PPFIA2: variants seen among roughly 807,000 people sequenced by gnomAD.
The protein encoded by PPFIA2 is PPFI scaffold protein A2, also known as liprin-alpha-2.
In PPFIA2, 46 loss-of-function variants were observed where a neutral mutation model predicts 175.5. That is an observed-to-expected ratio of 0.26 (90% CI 0.21 to 0.34). The LOEUF is 0.34. Among genes scored for constraint, PPFIA2 ranks in the 10% least tolerant of loss-of-function variants. PPFIA2 has a pLI of 1.00. For missense variants in PPFIA2, 1,179 were observed against 1,506.1 expected (o/e 0.78, Z 3.60); for synonymous variants, 568 against 511.4 (o/e 1.11, Z -1.49).
intron 4 of PPFIA2, among the ~76,000 whole-genome samples, chr12:81,649,543 T>C (rs988354558): frequency 7.2e-5 from 11 of 152,170 alleles, no homozygotes; most frequent in Admixed American, 5.9e-4. Context: ...TTGGAAAACA[T>C]AGAAATTCTA....
At chr12:81,426,796 A>G (rs1457174956) in intron 7 of PPFIA2, among the ~76,000 whole-genome samples, 7 of 152,050 alleles carry the variant, frequency 4.6e-5, no homozygotes, top group Admixed American at 6.6e-5. Context: ...TACTGCAGAA[A>G]TCCTTTCATC....
chr12:81,459,955 A>G (rs1423956447), intron 4 of PPFIA2, among the ~76,000 whole-genome samples: 2 of 152,138 alleles, frequency 1.3e-5, no homozygotes, highest in Non-Finnish European at 2.9e-5. Flanking sequence ...GGAGTGAGTT[A>G]GCTCTGAGCA....
chr12:81,336,523 C>A (rs1336613089), intron 21 of PPFIA2, among the ~76,000 whole-genome samples: 1 of 152,156 alleles, frequency 6.6e-6, no homozygotes, highest in African/African-American at 2.4e-5. Context: ...CCAAATATTT[C>A]CCTTTGTGAA....
chr12:81,662,376 C>A (rs1360609227), intron 4 of PPFIA2, among the ~76,000 whole-genome samples: 1 of 152,114 alleles, frequency 6.6e-6, no homozygotes, highest in Non-Finnish European at 1.5e-5. Flanking sequence ...GATATTACCA[C>A]CAATCCCACG....
intron 24 of PPFIA2, among the ~76,000 whole-genome samples, chr12:81,288,391 T>C (rs539343969): frequency 5.3e-5 from 8 of 151,726 alleles, no homozygotes; most frequent in Admixed American, 2.0e-4. Flanking sequence ...CTCCCCTTAG[T>C]ACCCATGGAA....
At chr12:81,368,934 T>C in intron 12 of PPFIA2, 78 bp from the exon 13 acceptor site, 1 of 1,473,454 alleles carries the variant, frequency 6.8e-7, no homozygotes, top group South Asian at 1.3e-5. Flanking sequence ...TAGTTTTAAA[T>C]TGAATTTAAT....
At chr12:81,390,417 TC>T (rs1338496466) in intron 8 of PPFIA2, among the ~76,000 whole-genome samples, 1 of 152,062 alleles carries the variant, frequency 6.6e-6, no homozygotes, top group Non-Finnish European at 1.5e-5. Flanking sequence ...GTTCTAATTT[TC>T]CACATCTTCA....
intron 7 of PPFIA2, among the ~76,000 whole-genome samples, chr12:81,420,302 CA>C (rs2046020807): frequency 6.6e-6 from 1 of 151,994 alleles, no homozygotes; most frequent in Admixed American, 6.6e-5. Flanking sequence ...ACAAAAGGAA[CA>C]CAATAATTTT....
chr12:81,263,105 A>C (rs2036171810), intron 31 of PPFIA2, 126 bp downstream of exon 31: 1 of 954,220 alleles, frequency 1.0e-6, no homozygotes, highest in Non-Finnish European at 1.5e-6. Context: ...TGATGAGAGC[A>C]AAGTAAATTT....
intron 4 of PPFIA2, among the ~76,000 whole-genome samples, chr12:81,569,112 T>C (rs929838525): frequency 3.3e-5 from 5 of 152,216 alleles, no homozygotes; most frequent in Non-Finnish European, 5.9e-5. Context: ...TTTTGAATCA[T>C]GATTTTTAAA....
chr12:81,479,349 C>T (rs773074593), intron 4 of PPFIA2, among the ~76,000 whole-genome samples: 3 of 152,158 alleles, frequency 2.0e-5, no homozygotes, highest in South Asian at 4.1e-4. Context: ...CTCCTGAATA[C>T]AGCACACCGA....
chr12:81,349,204 T>C (rs556462725), intron 17 of PPFIA2, among the ~76,000 whole-genome samples: 2 of 152,306 alleles, frequency 1.3e-5, no homozygotes, highest in East Asian at 1.9e-4. Context: ...AAGTAGTATG[T>C]GTTTGCTGGC....
chr12:81,693,380 G>A (rs939842572), intron 3 of PPFIA2, among the ~76,000 whole-genome samples: 2 of 151,820 alleles, frequency 1.3e-5, no homozygotes, highest in African/African-American at 4.8e-5. Context: ...AGAGTGTGTG[G>A]AACCTCCCCT....
Position 81,566,255 on chromosome 12 carries a change from G to C in PPFIA2, c.304-108389C>G, listed in dbSNP as rs2071257215. 3.3e-5 allele frequency among the ~76,000 whole-genome samples: 5 copies of C among 152,254 alleles called. No individual in the cohort carries two copies. The South Asian group carries it at 1.0e-3, about 32-fold the overall frequency. ...CATGTACGTTTTGGCCGGGCACGGTGGCTCATGCCTGTAATCCCAGCACTT... is the reference window on the plus strand; with the variant it reads ...CATGTACGTTTTGGCCGGGCACGGTCGCTCATGCCTGTAATCCCAGCACTT... On this transcript the variant is annotated intron_variant, in intron 4 of 32. Coordinates refer to ENST00000549396, the MANE Select transcript of PPFIA2 (RefSeq NM_003625.5).
At chr12:81,351,818 T>C (rs1033873772) in intron 17 of PPFIA2, among the ~76,000 whole-genome samples, 1 of 151,572 alleles carries the variant, frequency 6.6e-6, no homozygotes, top group Admixed American at 6.6e-5. Flanking sequence ...GGTGGGAGAA[T>C]TGCTTGAGAC....
chr12:81,552,290 C>T (rs924353049), intron 4 of PPFIA2, among the ~76,000 whole-genome samples: 3 of 151,782 alleles, frequency 2.0e-5, no homozygotes, highest in Non-Finnish European at 3.0e-5. Context: ...AGTAAGAAAA[C>T]CTTCTGGTTA....
intron 4 of PPFIA2, among the ~76,000 whole-genome samples, chr12:81,556,680 T>C (rs1027912885): frequency 2.0e-5 from 3 of 151,792 alleles, no homozygotes; most frequent in South Asian, 2.1e-4. Flanking sequence ...TTAACTTCCG[T>C]GGTTGTGGAG....
chr12:81,578,119 AG>A, intron 4 of PPFIA2, among the ~76,000 whole-genome samples: 1 of 151,720 alleles, frequency 6.6e-6, no homozygotes, highest in Non-Finnish European at 1.5e-5. Flanking sequence ...GCATCTCTAC[AG>A]GGCTGTGTAA....
intron 5 of PPFIA2, among the ~76,000 whole-genome samples, chr12:81,452,432 C>A (rs1232649506): frequency 1.3e-5 from 2 of 152,144 alleles, no homozygotes; most frequent in Admixed American, 1.3e-4. Context: ...TCTTACTCAA[C>A]CCACTCCATA....
Sources: gnomAD v4.1 joint callset for allele counts (sites outside exome capture counted in the v4.1 genomes callset) on GRCh38, gnomAD v4.1.1 for gene constraint, MANE v1.5 for transcripts, NCBI Gene and HGNC (gene_info 2026-07-23, HGNC 2026-07-21) for gene names.